The following TUSC3 variants were observed in gnomAD, a reference collection of about 807,000 sequenced individuals.
TUSC3 encodes dolichyl-diphosphooligosaccharide--protein glycosyltransferase subunit TUSC3.
TUSC3 carries 45 observed loss-of-function variants against 44.8 expected under a neutral mutation model. The observed-to-expected ratio is 1.00, with a 90% CI of 0.79 to 1.29. The LOEUF (loss-of-function observed/expected upper bound fraction) is 1.29. Ranked by LOEUF, TUSC3 falls within the 50% of genes most tolerant of loss-of-function variation. The probability of loss-of-function intolerance (pLI) is 0.00; values close to 1 mark genes in which losing one functional copy is unlikely to be tolerated. For missense variants in TUSC3, 519 were observed against 437.9 expected (o/e 1.19, Z -1.65); for synonymous variants, 212 against 152.9 (o/e 1.39, Z -2.85).
At chr8:15,843,621 T>TATATATATATATATATATATAC in the TUSC3 span, among the ~76,000 whole-genome samples, 29 of 146,750 alleles carry the variant, frequency 2.0e-4, no homozygotes, top group African/African-American at 6.6e-4. Flanking sequence ...TATATATATA[T>TATATATATATATATATATATAC]ACACGCACAT....
chr8:15,661,645 GT>G (rs1269153915), intron 4 of TUSC3, among the ~76,000 whole-genome samples: 2 of 151,840 alleles, frequency 1.3e-5, no homozygotes, highest in Non-Finnish European at 2.9e-5. Flanking sequence ...GTCCTCCTTT[GT>G]AATTAATAAG....
At chr8:15,784,390 T>C in the TUSC3 span, among the ~76,000 whole-genome samples, 1 of 152,146 alleles carries the variant, frequency 6.6e-6, no homozygotes, top group Non-Finnish European at 1.5e-5. Context: ...AAACTGTGTA[T>C]TAAATGACTG....
intron 2 of TUSC3, among the ~76,000 whole-genome samples, chr8:15,502,396 C>T (rs904228960): frequency 4.6e-5 from 7 of 152,212 alleles, no homozygotes; most frequent in African/African-American, 1.4e-4. Flanking sequence ...GAATGCCATC[C>T]TTCTGCAACC....
upstream of TUSC3, among the ~76,000 whole-genome samples, chr8:15,536,857 C>G (rs1178928091): frequency 6.6e-6 from 1 of 151,900 alleles, no homozygotes; most frequent in Admixed American, 6.6e-5. Flanking sequence ...GAGTCATGCC[C>G]TACAAACCAT....
chr8:15,635,798 A>C (rs1383115106), intron 2 of TUSC3, among the ~76,000 whole-genome samples: 3 of 152,158 alleles, frequency 2.0e-5, no homozygotes, highest in Admixed American at 1.3e-4. Context: ...GCATGAACTT[A>C]CAGTAATGGA....
At chr8:15,851,217 T>C in the TUSC3 span, among the ~76,000 whole-genome samples, 11 of 152,326 alleles carry the variant, frequency 7.2e-5, no homozygotes, top group Admixed American at 2.0e-4. Context: ...CCAGTTCCCA[T>C]TGTGAAAATA....
chr8:15,704,777 A>G (rs1309360394), intron 6 of TUSC3, among the ~76,000 whole-genome samples: 2 of 151,934 alleles, frequency 1.3e-5, no homozygotes, highest in South Asian at 2.1e-4. Flanking sequence ...GTTTGCTCCT[A>G]TATTGACCCT....
At chr8:15,471,996 G>GA (rs889051324) in intron 1 of TUSC3, among the ~76,000 whole-genome samples, 6 of 151,190 alleles carry the variant, frequency 4.0e-5, no homozygotes, top group Middle Eastern at 3.2e-3. Flanking sequence ...ATGTGCACAA[G>GA]AAAAAAAATG....
At chr8:15,489,451 C>A (rs965209234) in intron 2 of TUSC3, among the ~76,000 whole-genome samples, 12 of 152,170 alleles carry the variant, frequency 7.9e-5, no homozygotes, top group African/African-American at 2.9e-4. Flanking sequence ...AGTTGCTGGA[C>A]TCTCAGCTAA....
At position 15,497,519 on chromosome 8, in the gene TUSC3, T is replaced by C. The variant is rs188048173; in HGVS notation, n.189+14036T>C. On this transcript the variant is annotated intron_variant and non_coding_transcript_variant, in intron 2 of 5. Transcript: ENST00000503191. ...AACGCTATAGACCCATGAAGAATTG[T>C]CTCCTTTGACGAGGGCAATTCTTCG... 2.9e-3 allele frequency among the ~76,000 whole-genome samples: 438 copies of C among 152,220 alleles called. 4 individuals are homozygous for C. Among genetic ancestry groups the C allele is most frequent in the African/African-American group, 0.01 (423 of 41,524 alleles).
chr8:15,818,006 A>G, the TUSC3 span, among the ~76,000 whole-genome samples: 1 of 152,186 alleles, frequency 6.6e-6, no homozygotes, highest in South Asian at 2.1e-4. Flanking sequence ...AGAGACTGTG[A>G]TGAAGGAGAG....
At chr8:15,616,604 T>A (rs1314753737) in intron 1 of TUSC3, among the ~76,000 whole-genome samples, 2 of 152,198 alleles carry the variant, frequency 1.3e-5, no homozygotes, top group African/African-American at 4.8e-5. Context: ...TTTTATTGAT[T>A]TTAAAATAAA....
At chr8:15,439,317 G>A (rs1233205058) in intron 1 of TUSC3, among the ~76,000 whole-genome samples, 1 of 152,218 alleles carries the variant, frequency 6.6e-6, no homozygotes, top group Non-Finnish European at 1.5e-5. Context: ...TGTAATCCCA[G>A]CACTTTAGGA....
intron 1 of TUSC3, among the ~76,000 whole-genome samples, chr8:15,437,383 G>A (rs1428420434): frequency 6.6e-6 from 1 of 152,100 alleles, no homozygotes; most frequent in East Asian, 1.9e-4. Context: ...TAATGTTTCT[G>A]AAATGTTTCT....
chr8:15,715,586 C>A (rs1410212883), intron 6 of TUSC3, among the ~76,000 whole-genome samples: 1 of 152,006 alleles, frequency 6.6e-6, no homozygotes, highest in Non-Finnish European at 1.5e-5. Flanking sequence ...TTGTTTACTT[C>A]TGGAATTTTC....
At chr8:15,651,528 A>G (rs1806903696) in intron 3 of TUSC3, among the ~76,000 whole-genome samples, 1 of 152,240 alleles carries the variant, frequency 6.6e-6, no homozygotes, top group Admixed American at 6.5e-5. Flanking sequence ...ACCCTAGTCC[A>G]AAGGGACTGA....
At chr8:15,729,451 A>G (rs958612417) in intron 6 of TUSC3, among the ~76,000 whole-genome samples, 13 of 152,154 alleles carry the variant, frequency 8.5e-5, no homozygotes, top group African/African-American at 3.1e-4. Flanking sequence ...ATGACAGGTA[A>G]TAACTACTTT....
At chr8:15,769,588 TTAAAC>T (rs1186930680), downstream of TUSC3, among the ~76,000 whole-genome samples, 3 of 152,090 alleles carry the variant, frequency 2.0e-5, no homozygotes, top group Admixed American at 6.5e-5. Context: ...TGGGATCTAA[TTAAAC>T]TAAAGAGCTT....
chr8:15,418,340 C>T (rs544234767), intron 1 of TUSC3, among the ~76,000 whole-genome samples: 8 of 152,234 alleles, frequency 5.3e-5, no homozygotes, highest in African/African-American at 1.9e-4. Context: ...GTTTTCCCAA[C>T]ATAGATGACG....
Sources: allele counts gnomAD v4.1 joint callset (sites outside exome capture counted in the v4.1 genomes callset), GRCh38; gene constraint gnomAD v4.1.1; transcripts MANE v1.5; gene names NCBI Gene and HGNC (gene_info 2026-07-23, HGNC 2026-07-21).